The following LONP2 variants were observed in gnomAD, a reference collection of about 807,000 sequenced individuals.
LONP2 encodes the protein lon peptidase 2, peroxisomal.
Under a neutral mutation model 85.6 loss-of-function variants are expected in LONP2, and 60 were observed. That is an observed-to-expected ratio of 0.70 (90% CI 0.57 to 0.87). The LOEUF (loss-of-function observed/expected upper bound fraction) is 0.87. Among genes scored for constraint, LONP2 ranks in the 40% least tolerant of loss-of-function variants. LONP2 has a pLI of 0.00. For missense variants in LONP2, 860 were observed against 1,063.5 expected (o/e 0.81, Z 2.66); for synonymous variants, 395 against 389.7 (o/e 1.01, Z -0.16).
At position 48,356,643 on chromosome 16, in the gene LONP2, T is replaced by TA. The variant is rs879341303; in HGVS notation, c.*4847dup. Reference sequence around the variant, plus strand: ...TGGATACCACAATGAAAACTGCACTTAAAAAACAAAAATGCTGAAAGAGGA... The same window carrying TA: ...TGGATACCACAATGAAAACTGCACTTAAAAAAACAAAAATGCTGAAAGAGGA... On this transcript the variant is annotated 3_prime_UTR_variant, in exon 15 of 15. Coordinates refer to ENST00000285737, the MANE Select transcript of LONP2 (RefSeq NM_031490.5). The TA allele has an allele frequency of 1.2e-4, 43 of 356,464 alleles. No individual in the cohort carries two copies. Among genetic ancestry groups the TA allele is most frequent in the Admixed American group, 3.4e-4 (10 of 29,736 alleles). The allele number at this position is 356,464 out of a possible 1,614,324, so 22.1% of individuals were successfully genotyped here. A position where few individuals can be genotyped will look rare whatever the true frequency, so the allele number is the denominator to read the frequency against.
chr16:48,256,041 A>T (rs1971751922), intron 2 of LONP2, among the ~76,000 whole-genome samples: 1 of 152,234 alleles, frequency 6.6e-6, no homozygotes, highest in Admixed American at 6.5e-5. Context: ...CATATTTCTA[A>T]TAATATGCAT....
chr16:48,283,110 G>T (rs1394533655), intron 8 of LONP2, among the ~76,000 whole-genome samples: 1 of 152,208 alleles, frequency 6.6e-6, no homozygotes, highest in African/African-American at 2.4e-5. Context: ...TTCTATGAAA[G>T]CTGAGAGAGG....
In LONP2 at chr16:48,244,463, C is replaced by T. The variant is rs752340799; in HGVS notation, c.75C>T (p.Pro25=). 5.0e-6 allele frequency: 8 copies of T among 1,596,696 alleles called. No homozygotes were observed. Among genetic ancestry groups the T allele is most frequent in the East Asian group, 2.3e-5 (1 of 43,742 alleles). ...LLLTHEGVLL[P]GSTMRTSVDS... is the part of the protein sequence containing the mutation. ...TCACCCACGAGGGCGTCCTGCTGCC[C>T]GGCTCCACCATGCGCACCAGCGTGG... The change falls in exon 1 of 15, where the codon CCC becomes CCT. Residue 25 remains proline, a synonymous_variant. Transcript: ENST00000285737.
downstream of LONP2, chr16:48,361,376 G>T: frequency 1.9e-6 from 1 of 537,188 alleles, no homozygotes; most frequent in South Asian, 2.4e-5. Flanking sequence ...TATTTTTTCA[G>T]TGGTTTACTG....
At chr16:48,268,987 A>C (rs1193774284) in intron 6 of LONP2, among the ~76,000 whole-genome samples, 2 of 152,228 alleles carry the variant, frequency 1.3e-5, no homozygotes, top group African/African-American at 4.8e-5. Context: ...CAGCATGATC[A>C]GGTGGCTGTG....
chr16:48,267,541 C>T (rs1972016112), intron 6 of LONP2, among the ~76,000 whole-genome samples: 1 of 152,028 alleles, frequency 6.6e-6, no homozygotes, highest in Non-Finnish European at 1.5e-5. Flanking sequence ...CTCAAGTGAT[C>T]TGCCTGCTTT....
intron 12 of LONP2, among the ~76,000 whole-genome samples, chr16:48,341,548 C>T (rs919436853): frequency 6.6e-6 from 1 of 152,074 alleles, no homozygotes; most frequent in African/African-American, 2.4e-5. Context: ...AGAAATTTCC[C>T]TCCGTGATCC....
At position 48,256,501 on chromosome 16, in the gene LONP2, C is replaced by A. The variant is rs1701490923; in HGVS notation, c.469-109C>A. ...TGGACTATATTAATCAGTGATCTTT[C>A]AAAAACAAAGACTGAGGCCCAAACA... is the stretch of plus-strand genomic sequence containing the variant. On this transcript the variant is annotated intron_variant, in intron 2 of 14. Transcript: ENST00000285737. 4 of 1,187,330 alleles carry A rather than the reference C, an allele frequency of 3.4e-6. No homozygotes were observed. The South Asian group carries it at 5.3e-5, about 16-fold the overall frequency. 73.5% of individuals were successfully genotyped at this position (1,187,330 alleles called of 1,614,324 possible). A position where few individuals can be genotyped will look rare whatever the true frequency, so the allele number is the denominator to read the frequency against.
At chr16:48,323,131 A>G (rs1567341727) in intron 11 of LONP2, among the ~76,000 whole-genome samples, 1 of 152,246 alleles carries the variant, frequency 6.6e-6, no homozygotes, top group South Asian at 2.1e-4. Context: ...ACAATTTTTA[A>G]GTGAAATAAT....
intron 8 of LONP2, among the ~76,000 whole-genome samples, chr16:48,287,640 A>G (rs180691363): frequency 3.9e-4 from 59 of 152,334 alleles, no homozygotes; most frequent in Admixed American, 7.2e-4. Flanking sequence ...TTGCTAGGCT[A>G]CTGGTTTTCA....
chr16:48,270,239 A>G lies in LONP2; in HGVS notation c.1206A>G (p.Gly402=), dbSNP rs777718418. 10 of 1,613,896 alleles carry G rather than the reference A, an allele frequency of 6.2e-6. No individual in the cohort carries two copies. The highest frequency in any genetic ancestry group is 8.5e-6 in the Non-Finnish European group (10 of 1,179,918). The change falls in exon 7 of 15, where the codon GGA becomes GGG. Residue 402 remains glycine, a synonymous_variant. Coordinates refer to ENST00000285737, the MANE Select transcript of LONP2 (RefSeq NM_031490.5). ...LGREFHRIAL[G]GVCDQSDIRG... ...GAGAGTTCCACAGGATTGCACTTGG[A>G]GGAGTATGTGATCAGTCTGACATTC...
At chr16:48,334,865 G>A (rs1043484923) in intron 12 of LONP2, 11 of 468,760 alleles carry the variant, frequency 2.3e-5, no homozygotes, top group Non-Finnish European at 4.3e-5. Context: ...CTCAGCGTCT[G>A]CAGCTTGGCC....
At chr16:48,245,315 A>G (rs776879193) in intron 1 of LONP2, among the ~76,000 whole-genome samples, 36 of 152,168 alleles carry the variant, frequency 2.4e-4, no homozygotes, top group African/African-American at 4.1e-4. Context: ...GCTTACTACT[A>G]TATTGCCCAG....
At chr16:48,280,968 A>G (rs986370954) in intron 8 of LONP2, among the ~76,000 whole-genome samples, 3 of 152,234 alleles carry the variant, frequency 2.0e-5, no homozygotes, top group Admixed American at 6.5e-5. Flanking sequence ...AAAAAAGAAC[A>G]AACTCAATTA....
chr16:48,289,691 C>T (rs1394754111), intron 8 of LONP2, among the ~76,000 whole-genome samples: 2 of 152,182 alleles, frequency 1.3e-5, no homozygotes, highest in African/African-American at 4.8e-5. Context: ...TAAGTGAAGA[C>T]ATCAATTCCA....
chr16:48,358,796 G>A (rs1315299932), downstream of LONP2, among the ~76,000 whole-genome samples: 1 of 152,158 alleles, frequency 6.6e-6, no homozygotes, highest in African/African-American at 2.4e-5. Context: ...TCCAGCCTGG[G>A]TGACAGAGGA....
chr16:48,250,751 A>G (rs1216195506), intron 1 of LONP2, among the ~76,000 whole-genome samples: 1 of 152,238 alleles, frequency 6.6e-6, no homozygotes, highest in African/African-American at 2.4e-5. Flanking sequence ...TGTTTAAGTT[A>G]TTCTCTAATC....
Position 48,258,619 on chromosome 16 carries a change from T to A in LONP2, c.602T>A (p.Ile201Asn), listed in dbSNP as rs1971813000. 1 of 1,592,262 alleles carries A rather than the reference T, an allele frequency of 6.3e-7. No homozygotes were observed. The highest frequency in any genetic ancestry group is 8.5e-7 in the Non-Finnish European group (1 of 1,172,412). The change falls in exon 4 of 15, where the codon ATT becomes AAT. Residue 201 changes from isoleucine (I) to asparagine (N), a missense_variant and splice_region_variant. Ile to Asn is a moderately radical substitution (Grantham distance 149). Transcript: ENST00000285737. ...ATTGATTGACTCACATTTCCTTAGA[T>A]TTTAGATGCTGTGAGCCTAGAGGAG... is the stretch of plus-strand genomic sequence containing the variant. Reference protein sequence around the residue: ...IRTSNKEKLQILDAVSLEERF... With the variant: ...IRTSNKEKLQNLDAVSLEERF...
At chr16:48,348,952 A>G (rs1207913658) in intron 14 of LONP2, among the ~76,000 whole-genome samples, 2 of 152,184 alleles carry the variant, frequency 1.3e-5, no homozygotes, top group South Asian at 2.1e-4. Context: ...TTTAAGCTTT[A>G]AGCCCATTTC....
Sources: allele counts gnomAD v4.1 joint callset (sites outside exome capture counted in the v4.1 genomes callset), GRCh38; gene constraint gnomAD v4.1.1; transcripts MANE v1.5; gene names NCBI Gene and HGNC (gene_info 2026-07-23, HGNC 2026-07-21).